Variants in GALNTL6 observed in about 807,000 individuals in gnomAD.
GALNTL6 encodes polypeptide N-acetylgalactosaminyltransferase-like 6.
GALNTL6 carries 46 observed loss-of-function variants against 73.7 expected under a neutral mutation model. That is an observed-to-expected ratio of 0.62 (90% CI 0.49 to 0.80). The LOEUF is 0.80. GALNTL6 is among the 30% of genes least tolerant of loss of function. The pLI, the probability that GALNTL6 is intolerant of heterozygous loss-of-function variation, is 0.00. For synonymous variants in GALNTL6, 259 were observed against 263.7 expected, an observed-to-expected ratio of 0.98 and a Z score of 0.17; for missense variants, 604 against 755.0, an observed-to-expected ratio of 0.80 and a Z score of 2.34.
chr4:172,891,780 C>CTCTTT (rs1746044956), intron 8 of GALNTL6, among the ~76,000 whole-genome samples: 1 of 152,316 alleles, frequency 6.6e-6, no homozygotes, highest in African/African-American at 2.4e-5. Flanking sequence ...ACCAAGGAGT[C>CTCTTT]ATAGGCTTTG....
chr4:172,409,277 C>T (rs552471841), intron 5 of GALNTL6, among the ~76,000 whole-genome samples: 1 of 151,918 alleles, frequency 6.6e-6, no homozygotes, highest in African/African-American at 2.4e-5. Context: ...ATTGATGCTA[C>T]TAGTAACAAC....
At chr4:172,453,112 A>G (rs2111426201) in intron 5 of GALNTL6, among the ~76,000 whole-genome samples, 1 of 152,236 alleles carries the variant, frequency 6.6e-6, no homozygotes. Context: ...GCGGCAGAAG[A>G]ATCGTTTAGA....
Position 172,219,914 on chromosome 4 carries a change from T to C in GALNTL6, c.139-9742T>C, listed in dbSNP as rs187909925. Among the ~76,000 whole-genome samples, 18 of 152,054 alleles carry C rather than the reference T, an allele frequency of 1.2e-4. No homozygotes were observed. In the East Asian group the frequency reaches 3.3e-3, roughly 28 times the overall value. ...GCTTGCTTACCCACGTAAGAACCAA[T>C]ATCTGTATTTAAGTAAAATAACTTG... On this transcript the variant is annotated intron_variant, in intron 2 of 12. Transcript: ENST00000506823.
rs565603989 is a variant in GALNTL6 at position 171,916,732 on chromosome 4, C to A, written c.138+102014C>A. Among the ~76,000 whole-genome samples the A allele has an allele frequency of 5.3e-5, 8 of 152,046 alleles. No homozygotes were observed. In the South Asian group the frequency reaches 1.7e-3, roughly 32 times the overall value. On this transcript the variant is annotated intron_variant, in intron 2 of 12. Transcript: ENST00000506823. ...AACATTACTTTAGGGGAAAAAGTTT[C>A]ATTTTTATTTTAAAATGCAGGGAAT...
Position 172,363,992 on chromosome 4 carries a change from C to T in GALNTL6, c.553+15303C>T, listed in dbSNP as rs568168941. On this transcript the variant is annotated intron_variant, in intron 5 of 12. Coordinates refer to ENST00000506823, the MANE Select transcript of GALNTL6 (RefSeq NM_001034845.3). Reference sequence around the variant, plus strand: ...TTGCAATAATTATTTCCAAATGTTACAATCCCATCATCTGTTATGTTATTC... The same window carrying T: ...TTGCAATAATTATTTCCAAATGTTATAATCCCATCATCTGTTATGTTATTC... Among the ~76,000 whole-genome samples the T allele has an allele frequency of 1.3e-5, 2 of 152,250 alleles. 1 individual carries two copies. Among genetic ancestry groups the T allele is most frequent in the South Asian group, 4.1e-4 (2 of 4,826 alleles).
At position 172,058,697 on chromosome 4, in the gene GALNTL6, T is replaced by G. The variant is rs530564026; in HGVS notation, c.139-170959T>G. On this transcript the variant is annotated intron_variant, in intron 2 of 12. Coordinates refer to ENST00000506823, the MANE Select transcript of GALNTL6 (RefSeq NM_001034845.3). ...TTGCCACTGTCTATTGCCATTCTGT[T>G]TATTTAAAGTCATTCATTTTTCCTC... Among the ~76,000 whole-genome samples the G allele has an allele frequency of 2.6e-5, 4 of 152,302 alleles. No homozygotes were observed. The South Asian group carries it at 8.3e-4, about 32-fold the overall frequency.
intron 5 of GALNTL6, among the ~76,000 whole-genome samples, chr4:172,566,049 A>G (rs1421196998): frequency 6.6e-6 from 1 of 152,220 alleles, no homozygotes; most frequent in Non-Finnish European, 1.5e-5. Flanking sequence ...TATAAAATAA[A>G]TACTGATAAA....
intron 5 of GALNTL6, among the ~76,000 whole-genome samples, chr4:172,399,899 G>A (rs1320679102): frequency 6.6e-6 from 1 of 151,900 alleles, no homozygotes; most frequent in Non-Finnish European, 1.5e-5. Flanking sequence ...CAAACAAGAA[G>A]GTTTTCTTTT....
chr4:172,189,054 C>CTG (rs1208669185), intron 2 of GALNTL6, among the ~76,000 whole-genome samples: 1 of 152,160 alleles, frequency 6.6e-6, no homozygotes, highest in Non-Finnish European at 1.5e-5. Flanking sequence ...TTCTTGTTAA[C>CTG]TGTGTTTTCA....
intron 7 of GALNTL6, among the ~76,000 whole-genome samples, chr4:172,851,185 T>C (rs1169455787): frequency 6.6e-6 from 1 of 152,012 alleles, no homozygotes; most frequent in Non-Finnish European, 1.5e-5. Flanking sequence ...CTATCACCCA[T>C]GAAATATCAA....
At chr4:172,539,293 A>G (rs1036685472) in intron 5 of GALNTL6, among the ~76,000 whole-genome samples, 1 of 152,210 alleles carries the variant, frequency 6.6e-6, no homozygotes, top group Non-Finnish European at 1.5e-5. Context: ...TGTGGTTGTC[A>G]TCAGCAGCAG....
intron 2 of GALNTL6, among the ~76,000 whole-genome samples, chr4:171,960,198 G>A (rs1047015188): frequency 6.6e-6 from 1 of 152,106 alleles, no homozygotes; most frequent in African/African-American, 2.4e-5. Flanking sequence ...TAACATCAGG[G>A]ACACAATATT....
At position 172,835,240 on chromosome 4, in the gene GALNTL6, C is replaced by T. The variant is rs573506050; in HGVS notation, c.923+21517C>T. Among the ~76,000 whole-genome samples the T allele has an allele frequency of 3.9e-5, 6 of 152,352 alleles. No individual in the cohort carries two copies. The South Asian group carries it at 1.2e-3, about 32-fold the overall frequency. ...AAACAAAGTGAGTGAGAGGGAGGAGCATGTTCACAAAACAAAAAGTGCTAA... is the reference window on the plus strand; with the variant it reads ...AAACAAAGTGAGTGAGAGGGAGGAGTATGTTCACAAAACAAAAAGTGCTAA... On this transcript the variant is annotated intron_variant, in intron 7 of 12. Transcript: ENST00000506823.
chr4:172,059,043 A>G (rs1189397154), intron 2 of GALNTL6, among the ~76,000 whole-genome samples: 1 of 152,198 alleles, frequency 6.6e-6, no homozygotes, highest in Admixed American at 6.5e-5. Flanking sequence ...TTGAGAGACA[A>G]TCAATAAACT....
intron 3 of GALNTL6, among the ~76,000 whole-genome samples, chr4:172,272,893 G>A (rs184366446): frequency 3.8e-4 from 58 of 152,236 alleles, no homozygotes; most frequent in Non-Finnish European, 7.9e-4. Context: ...AAGGGAGGAG[G>A]TGAGAGAAAA....
At chr4:172,032,998 T>C (rs1438721190) in intron 2 of GALNTL6, among the ~76,000 whole-genome samples, 2 of 152,060 alleles carry the variant, frequency 1.3e-5, no homozygotes, top group East Asian at 3.9e-4. Flanking sequence ...AGCTTATATA[T>C]ACTGAATAAA....
intron 7 of GALNTL6, among the ~76,000 whole-genome samples, chr4:172,851,721 C>T (rs780613420): frequency 1.4e-4 from 21 of 152,086 alleles, no homozygotes; most frequent in Non-Finnish European, 2.9e-4. Context: ...GACAAAGAAA[C>T]CCAGTTTAGT....
Position 171,814,688 on chromosome 4 carries a change from G to A in GALNTL6, c.108G>A (p.Leu36=). The change falls in exon 2 of 13, where the codon CTG becomes CTA. Residue 36 remains leucine, a synonymous_variant. Transcript: ENST00000506823. ...GGTCTCTGTACAAGGATAAGCACCT[G>A]GTGAAGTCAGCGGAGCCCGGGGAGC... ...GLWSLYKDKH[L]VKSAEPGEQQ... is the part of the protein sequence containing the mutation. The A allele has an allele frequency of 1.2e-6, 2 of 1,614,072 alleles. No individual in the cohort carries two copies. The highest frequency in any genetic ancestry group is 1.7e-6 in the Non-Finnish European group (2 of 1,180,026).
intron 7 of GALNTL6, among the ~76,000 whole-genome samples, chr4:172,844,178 T>A (rs535301061): frequency 6.6e-6 from 1 of 152,340 alleles, no homozygotes; most frequent in East Asian, 1.9e-4. Context: ...CCGCGTACAT[T>A]GAGCCATGTT....
Sources: gnomAD v4.1 joint callset for allele counts (sites outside exome capture counted in the v4.1 genomes callset) on GRCh38, gnomAD v4.1.1 for gene constraint, MANE v1.5 for transcripts, NCBI Gene and HGNC (gene_info 2026-07-23, HGNC 2026-07-21) for gene names.